ZNHIT6: variants seen among roughly 807,000 people sequenced by gnomAD.
ZNHIT6 encodes zinc finger HIT-type containing 6, also known as box C/D snoRNA protein 1.
ZNHIT6 carries 45 observed loss-of-function variants against 57.2 expected under a neutral mutation model. The ratio of observed to expected loss-of-function variants is 0.79; its 90% CI spans 0.62 to 1.01. ZNHIT6 has a LOEUF of 1.01. Ranked by LOEUF, ZNHIT6 falls within the 50% of genes least tolerant of loss-of-function variation. The probability of loss-of-function intolerance (pLI) is 0.00; values close to 1 mark genes in which losing one functional copy is unlikely to be tolerated. For synonymous variants in ZNHIT6, 188 were observed against 190.0 expected, an observed-to-expected ratio of 0.99 and a Z score of 0.09; for missense variants, 528 against 567.3, an observed-to-expected ratio of 0.93 and a Z score of 0.70.
At chr1:85,687,445 A>G (rs944513156) in intron 5 of ZNHIT6, among the ~76,000 whole-genome samples, 1 of 152,136 alleles carries the variant, frequency 6.6e-6, no homozygotes, top group African/African-American at 2.4e-5. Flanking sequence ...AGATGAAACT[A>G]GACACATTAA....
chr1:85,677,754 C>A (rs1223247320), intron 7 of ZNHIT6, among the ~76,000 whole-genome samples: 1 of 152,158 alleles, frequency 6.6e-6, no homozygotes, highest in East Asian at 1.9e-4. Context: ...TCAATTAGAA[C>A]TGGATTAGAC....
At chr1:85,659,402 T>C (rs1444000164) in intron 8 of ZNHIT6, among the ~76,000 whole-genome samples, 1 of 152,208 alleles carries the variant, frequency 6.6e-6, no homozygotes, top group East Asian at 1.9e-4. Flanking sequence ...TCAACCAGTC[T>C]AGTGCAGAAG....
At chr1:85,697,165 C>G (rs907944353) in intron 5 of ZNHIT6, among the ~76,000 whole-genome samples, 1 of 152,054 alleles carries the variant, frequency 6.6e-6, no homozygotes, top group Admixed American at 6.5e-5. Context: ...CCACCGTGCC[C>G]GGCCAACCAT....
chr1:85,681,642 A>G lies in ZNHIT6; in HGVS notation c.1020-738T>C, dbSNP rs186403595. Reference sequence around the variant, plus strand: ...CATTAGAGCAAGTTAATGACTACCGATATCTCCTTAAAATCTATCCCATAG... The same window carrying G: ...CATTAGAGCAAGTTAATGACTACCGGTATCTCCTTAAAATCTATCCCATAG... On this transcript the variant is annotated intron_variant, in intron 5 of 9. Coordinates refer to ENST00000370574, the MANE Select transcript of ZNHIT6 (RefSeq NM_017953.4). Among the ~76,000 whole-genome samples the G allele has an allele frequency of 2.6e-3, 391 of 152,338 alleles. 1 individual carries two copies. Among genetic ancestry groups the G allele is most frequent in the Admixed American group, 4.5e-3 (69 of 15,300 alleles).
rs772311242 is a variant in ZNHIT6 at position 85,706,079 on chromosome 1, T to C, written c.914A>G (p.Tyr305Cys). 2.5e-6 allele frequency: 4 copies of C among 1,605,974 alleles called. No homozygotes were observed. The African/African-American group carries it at 4.0e-5, about 16-fold the overall frequency. The change falls in exon 4 of 10, where the codon TAT (tyrosine) becomes TGT (cysteine). Residue 305 changes from tyrosine (Y) to cysteine (C), a missense_variant and splice_region_variant. Coordinates refer to ENST00000370574, the MANE Select transcript of ZNHIT6 (RefSeq NM_017953.4). ...AFLKRPISNK[Y>C]MYFMKNRARR... ...GAAGAAATTAGGAAAAAATCTTACA[T>C]ATTTATTGCTTATTGGTCTCTTCAA...
At chr1:85,682,140 T>C (rs1410684316) in intron 5 of ZNHIT6, among the ~76,000 whole-genome samples, 1 of 150,972 alleles carries the variant, frequency 6.6e-6, no homozygotes, top group African/African-American at 2.4e-5. Flanking sequence ...CTCTCCTGAA[T>C]AGCTGGGACT....
chr1:85,708,343 C>G lies in ZNHIT6; in HGVS notation c.-59G>C. 6.6e-7 allele frequency: 1 copy of G among 1,522,504 alleles called. No homozygotes were observed. Among genetic ancestry groups the G allele is most frequent in the Non-Finnish European group, 8.8e-7 (1 of 1,137,108 alleles). The allele number at this position is 1,522,504 out of a possible 1,614,324, so 94.3% of individuals were successfully genotyped here. A position where few individuals can be genotyped will look rare whatever the true frequency, so the allele number is the denominator to read the frequency against. ...ATCCTTCAATGTGGCTGCTGCACAC[C>G]AATAGGAGGAATTACCGGTCGGAAT... On this transcript the variant is annotated 5_prime_UTR_variant, in exon 1 of 10. Transcript: ENST00000370574.
chr1:85,658,001 G>A (rs1255238602), intron 8 of ZNHIT6, 30 bp from the exon 9 acceptor site: 1 of 1,365,382 alleles, frequency 7.3e-7, no homozygotes, highest in Non-Finnish European at 9.9e-7. Flanking sequence ...AAAAAACCAG[G>A]AAACACTCTT....
intron 5 of ZNHIT6, 91 bp downstream of exon 5, chr1:85,702,066 T>C (rs1437260641): frequency 1.0e-5 from 8 of 765,092 alleles, no homozygotes; most frequent in Admixed American, 5.7e-5. Context: ...AGAACCACAC[T>C]TGGGGTAGCA....
chr1:85,675,119 A>T (rs1181163921), intron 8 of ZNHIT6, among the ~76,000 whole-genome samples: 2 of 152,170 alleles, frequency 1.3e-5, no homozygotes, highest in Non-Finnish European at 2.9e-5. Flanking sequence ...AGTTAAGGAA[A>T]CTGCTCTCAT....
intron 5 of ZNHIT6, among the ~76,000 whole-genome samples, chr1:85,686,419 G>A (rs1662039870): frequency 6.6e-6 from 1 of 152,062 alleles, no homozygotes; most frequent in East Asian, 1.9e-4. Context: ...TCATTTTGAT[G>A]GTCTCAAGGC....
At chr1:85,672,863 T>C (rs1661599224) in intron 8 of ZNHIT6, among the ~76,000 whole-genome samples, 1 of 151,214 alleles carries the variant, frequency 6.6e-6, no homozygotes, top group South Asian at 2.1e-4. Flanking sequence ...AAACAAAATG[T>C]ATCTAAATTT....
intron 8 of ZNHIT6, among the ~76,000 whole-genome samples, chr1:85,661,938 T>C (rs544093621): frequency 1.3e-5 from 2 of 152,232 alleles, no homozygotes; most frequent in South Asian, 4.1e-4. Context: ...CCCTCACAGG[T>C]TCACTGGCTG....
At chr1:85,687,293 A>C (rs1180328624) in intron 5 of ZNHIT6, among the ~76,000 whole-genome samples, 1 of 132,984 alleles carries the variant, frequency 7.5e-6, no homozygotes. Flanking sequence ...AAAAACAAAA[A>C]AAAAACAAAA....
intron 8 of ZNHIT6, among the ~76,000 whole-genome samples, chr1:85,658,549 T>A (rs982343117): frequency 2.7e-5 from 4 of 150,832 alleles, no homozygotes; most frequent in Admixed American, 6.6e-5. Context: ...TCAATTTTCA[T>A]ACCAAGAAAT....
At chr1:85,673,102 A>C (rs1450136210) in intron 8 of ZNHIT6, among the ~76,000 whole-genome samples, 1 of 152,156 alleles carries the variant, frequency 6.6e-6, no homozygotes, top group Non-Finnish European at 1.5e-5. Context: ...AAAGTTGGTA[A>C]GAAATAAGGC....
Position 85,707,822 on chromosome 1 carries a change from C to T in ZNHIT6, c.463G>A (p.Glu155Lys). 1 of 1,614,172 alleles carries T rather than the reference C, an allele frequency of 6.2e-7. No homozygotes were observed. The highest frequency in any genetic ancestry group is 1.3e-5 in the African/African-American group (1 of 75,048). ...TGTTTTATCTCCAAGTTATCCTTCT[C>T]TTCCTTCACTTCTGACCAGTCCATT... ...EVMDWSEVKE[E>K]KDNLEIKQEE... is the part of the protein sequence containing the mutation. The change falls in exon 1 of 10, where the codon GAG (glutamate) becomes AAG (lysine). Residue 155 changes from glutamate to lysine, a missense_variant. Coordinates refer to ENST00000370574, the MANE Select transcript of ZNHIT6 (RefSeq NM_017953.4).
At chr1:85,698,276 G>T (rs1180088285) in intron 5 of ZNHIT6, among the ~76,000 whole-genome samples, 1 of 152,046 alleles carries the variant, frequency 6.6e-6, no homozygotes, top group African/African-American at 2.4e-5. Flanking sequence ...CTTATTCTTA[G>T]AAAAATTCAC....
chr1:85,660,178 T>C (rs1451410378), intron 8 of ZNHIT6, among the ~76,000 whole-genome samples: 1 of 152,196 alleles, frequency 6.6e-6, no homozygotes, highest in Non-Finnish European at 1.5e-5. Flanking sequence ...AGTAAAAGAT[T>C]AACTTACAAA....
Sources: gnomAD v4.1 joint callset for allele counts (sites outside exome capture counted in the v4.1 genomes callset) on GRCh38, gnomAD v4.1.1 for gene constraint, MANE v1.5 for transcripts, NCBI Gene and HGNC (gene_info 2026-07-23, HGNC 2026-07-21) for gene names.